The following LRRC36 variants were observed in gnomAD, a reference collection of about 807,000 sequenced individuals.
LRRC36 encodes leucine rich repeat containing 36.
A neutral mutation model predicts 81.1 loss-of-function variants in LRRC36; 62 were observed. That is an observed-to-expected ratio of 0.76 (90% CI 0.62 to 0.94). The LOEUF (loss-of-function observed/expected upper bound fraction) is 0.94. Ranked by LOEUF, LRRC36 falls within the 40% of genes least tolerant of loss-of-function variation. LRRC36 has a pLI of 0.00. For missense variants in LRRC36, 761 were observed against 881.7 expected (o/e 0.86, Z 1.73); for synonymous variants, 334 against 348.6 (o/e 0.96, Z 0.47).
At chr16:67,380,912 C>CT (rs2040082398) in intron 12 of LRRC36, among the ~76,000 whole-genome samples, 1 of 152,026 alleles carries the variant, frequency 6.6e-6, no homozygotes, top group Admixed American at 6.6e-5. Flanking sequence ...GCAAGATCCC[C>CT]AGGTGATTTG....
intron 5 of LRRC36, among the ~76,000 whole-genome samples, chr16:67,352,574 C>T (rs1310738445): frequency 6.6e-6 from 1 of 151,938 alleles, no homozygotes. Context: ...TTTGGGCTCT[C>T]CTGTTTTTTC....
At chr16:67,345,239 A>G (rs937662457) in intron 2 of LRRC36, among the ~76,000 whole-genome samples, 6 of 151,836 alleles carry the variant, frequency 4.0e-5, no homozygotes, top group Non-Finnish European at 2.9e-5. Flanking sequence ...ACTTGAGCCC[A>G]GGAAGTCAGG....
intron 1 of LRRC36, among the ~76,000 whole-genome samples, chr16:67,339,137 C>T (rs1305735733): frequency 1.3e-5 from 2 of 150,712 alleles, no homozygotes; most frequent in African/African-American, 4.9e-5. Flanking sequence ...TCAAGTGATC[C>T]GCCCACCTCA....
At chr16:67,362,244 C>T (rs570462094) in intron 5 of LRRC36, 7 of 450,386 alleles carry the variant, frequency 1.6e-5, no homozygotes, top group African/African-American at 1.2e-4. Flanking sequence ...CTCACTGCAA[C>T]CTCTACCTCC....
intron 5 of LRRC36, among the ~76,000 whole-genome samples, chr16:67,355,529 T>C (rs1357797121): frequency 6.6e-6 from 1 of 151,142 alleles, no homozygotes; most frequent in Non-Finnish European, 1.5e-5. Flanking sequence ...CGCCCGCCAC[T>C]ACGCCCGGCT....
chr16:67,378,235 CTTTTTT>C (rs1015471341), intron 11 of LRRC36, among the ~76,000 whole-genome samples: 1 of 100,522 alleles, frequency 9.9e-6, no homozygotes, highest in African/African-American at 4.7e-5. Context: ...ATGTCAGATT[CTTTTTT>C]TTTTTTTTTT....
intron 7 of LRRC36, among the ~76,000 whole-genome samples, chr16:67,366,216 G>A (rs1400273350): frequency 6.6e-6 from 1 of 151,716 alleles, no homozygotes; most frequent in Non-Finnish European, 1.5e-5. Flanking sequence ...ACAGTACAGT[G>A]GCACAATCAG....
chr16:67,347,274 G>C, intron 3 of LRRC36: 1 of 657,652 alleles, frequency 1.5e-6, no homozygotes. Context: ...CTGAAGGGTA[G>C]TTACAACTGT....
chr16:67,378,634 ATT>A lies in LRRC36; in HGVS notation c.1855_1856del (p.Leu619ValfsTer25). ...GGTCAGAGTGCTGGAGGAAAACCTC[ATT>A]TTGTCAGAAAAAATTCAACAGTTGG... ...KLVRVLEENL[I>X]LSEKIQQLEE... On this transcript the variant is annotated frameshift_variant, in exon 12 of 14. Coordinates refer to ENST00000329956, the MANE Select transcript of LRRC36 (RefSeq NM_018296.6). LOFTEE classifies it high-confidence loss of function. 6.2e-7 allele frequency: 1 copy of A among 1,614,138 alleles called. No individual in the cohort carries two copies. The highest frequency in any genetic ancestry group is 8.5e-7 in the Non-Finnish European group (1 of 1,179,976).
intron 1 of LRRC36, among the ~76,000 whole-genome samples, chr16:67,337,865 C>T (rs2142602610): frequency 6.6e-6 from 1 of 152,094 alleles, no homozygotes; most frequent in South Asian, 2.1e-4. Context: ...GCAGGCGGGT[C>T]ACCTGAGGTC....
rs1487796976 is a variant in LRRC36, at chr16:67,378,694, C to A, written c.1912C>A (p.Gln638Lys). The A allele has an allele frequency of 2.5e-5, 40 of 1,613,760 alleles. No individual in the cohort carries two copies. The highest frequency in any genetic ancestry group is 3.4e-5 in the Non-Finnish European group (40 of 1,179,880). ...EGAAISIVSGQQSHTYDDLLH... is the reference protein window; with the variant it reads ...EGAAISIVSGKQSHTYDDLLH... ...TGCTGCCATCTCAATTGTGAGTGGG[C>A]AACAGTCACATACTTATGGTAAGTT... The change falls in exon 12 of 14, where the codon CAA becomes AAA. Residue 638 changes from glutamine to lysine, a missense_variant. Around this residue, in one of 3 missense-constraint regions of LRRC36, gnomAD observed 359 missense variants for 388.4 expected, o/e 0.92. Coordinates refer to ENST00000329956, the MANE Select transcript of LRRC36 (RefSeq NM_018296.6).
At chr16:67,343,219 A>G (rs2038175936) in intron 2 of LRRC36, among the ~76,000 whole-genome samples, 1 of 152,078 alleles carries the variant, frequency 6.6e-6, no homozygotes, top group Non-Finnish European at 1.5e-5. Context: ...ATTTGTTTTT[A>G]TACTTCCTTT....
intron 1 of LRRC36, among the ~76,000 whole-genome samples, chr16:67,333,400 G>A (rs1312107538): frequency 6.6e-6 from 1 of 152,144 alleles, no homozygotes; most frequent in African/African-American, 2.4e-5. Flanking sequence ...CCAAAGTGCT[G>A]AAATTACAGG....
rs1276815789 is a variant in LRRC36, at chr16:67,332,553, CA to C, written c.70+5630del. The stretch of plus-strand genomic sequence containing the variant: ...TGGGTGACAGAGCGAGACTCCGTCT[CA>C]AAAAAAAATAATAAATAAATAAATA... On this transcript the variant is annotated intron_variant, in intron 1 of 13. Coordinates refer to ENST00000329956, the MANE Select transcript of LRRC36 (RefSeq NM_018296.6). Among the ~76,000 whole-genome samples the C allele has an allele frequency of 6.7e-5, 10 of 149,236 alleles. 1 individual carries two copies. The highest frequency in any genetic ancestry group is 6.4e-4 in the South Asian group (3 of 4,706).
chr16:67,363,638 A>C lies in LRRC36; in HGVS notation c.626A>C (p.Asp209Ala), dbSNP rs1445173435. The change falls in exon 6 of 14, where the codon GAT becomes GCT. Residue 209 changes from aspartate (D) to alanine (A), a missense_variant. Asp to Ala is a moderately radical substitution (Grantham distance 126). Coordinates refer to ENST00000329956, the MANE Select transcript of LRRC36 (RefSeq NM_018296.6). ...CCCTTCCCCAACCGGGAAATAAAGGATTCCCTAAGTACTTCTGCAACTCAG... is the reference window on the plus strand; with the variant it reads ...CCCTTCCCCAACCGGGAAATAAAGGCTTCCCTAAGTACTTCTGCAACTCAG... The part of the protein sequence containing the change: ...FIPFPNREIK[D>A]SLSTSATQGN... 6.2e-7 allele frequency: 1 copy of C among 1,613,872 alleles called. No homozygotes were observed. The highest frequency in any genetic ancestry group is 1.1e-5 in the South Asian group (1 of 91,078).
intron 1 of LRRC36, among the ~76,000 whole-genome samples, chr16:67,334,122 C>G (rs898588136): frequency 5.3e-5 from 8 of 150,046 alleles, no homozygotes; most frequent in African/African-American, 1.5e-4. Context: ...AGCTCTGTCT[C>G]CCAGATTCAC....
At chr16:67,369,229 C>T (rs1297166312) in intron 8 of LRRC36, among the ~76,000 whole-genome samples, 2 of 152,052 alleles carry the variant, frequency 1.3e-5, no homozygotes, top group Admixed American at 1.3e-4. Context: ...GGTCCTGAGC[C>T]CTCCAACAAT....
rs529866878 is a variant in LRRC36, at chr16:67,370,755, C to T, written c.1196-189C>T. ...GCGTTTTTTTCTCCAGCTATGTTCC[C>T]CTGCTCTGGTGTAGGCTTGGAACAT... On this transcript the variant is annotated intron_variant, in intron 8 of 13. Coordinates refer to ENST00000329956, the MANE Select transcript of LRRC36 (RefSeq NM_018296.6). Among the ~76,000 whole-genome samples, 5 of 152,238 alleles carry T rather than the reference C, an allele frequency of 3.3e-5. No individual in the cohort carries two copies. In the East Asian group the frequency reaches 9.6e-4, roughly 29 times the overall value.
At chr16:67,369,192 T>C (rs1289274296) in intron 8 of LRRC36, among the ~76,000 whole-genome samples, 1 of 152,074 alleles carries the variant, frequency 6.6e-6, no homozygotes, top group Non-Finnish European at 1.5e-5. Context: ...AAAGAGTGAA[T>C]ATAGATAGAA....
Sources: gnomAD v4.1 joint callset for allele counts (sites outside exome capture counted in the v4.1 genomes callset) on GRCh38, gnomAD v4.1.1 for gene constraint, gnomAD v4.1.1 regional missense constraint, MANE v1.5 for transcripts, NCBI Gene and HGNC (gene_info 2026-07-23, HGNC 2026-07-21) for gene names.